The following SH3BP5 variants were observed in gnomAD, a reference collection of about 807,000 sequenced individuals.
SH3BP5 encodes SH3 domain binding protein 5.
SH3BP5 carries 22 observed loss-of-function variants against 43.3 expected under a neutral mutation model. The ratio of observed to expected loss-of-function variants is 0.51; its 90% confidence interval spans 0.36 to 0.73. The LOEUF (loss-of-function observed/expected upper bound fraction) is 0.73, where lower values mean the gene tolerates loss of function less well. Among genes scored for constraint, SH3BP5 ranks in the 30% least tolerant of loss-of-function variants. The probability of loss-of-function intolerance (pLI) is 0.00; values close to 1 mark genes in which losing one functional copy is unlikely to be tolerated. For missense variants in SH3BP5, 529 were observed against 586.9 expected (o/e 0.90, Z 1.02); for synonymous variants, 255 against 225.8 (o/e 1.13, Z -1.16).
At chr3:15,308,151 G>A (rs189820861) in intron 2 of SH3BP5, among the ~76,000 whole-genome samples, 3 of 152,262 alleles carry the variant, frequency 2.0e-5, no homozygotes, top group Admixed American at 2.0e-4. Context: ...CTGCCCAGCC[G>A]CTAAAGATAT....
At chr3:15,273,822 C>T (rs1414207316) in intron 3 of SH3BP5, among the ~76,000 whole-genome samples, 1 of 151,662 alleles carries the variant, frequency 6.6e-6, no homozygotes, top group Non-Finnish European at 1.5e-5. Flanking sequence ...TCCAGGAAGG[C>T]TCCTGTTATG....
chr3:15,261,671 A>T (rs1696443345), intron 5 of SH3BP5, among the ~76,000 whole-genome samples: 1 of 151,128 alleles, frequency 6.6e-6, no homozygotes, highest in Admixed American at 6.6e-5. Flanking sequence ...GTATAAAAAT[A>T]TACAGGGCTG....
At chr3:15,339,303 G>C (rs1182743696) in intron 1 of SH3BP5, among the ~76,000 whole-genome samples, 1 of 152,074 alleles carries the variant, frequency 6.6e-6, no homozygotes, top group African/African-American at 2.4e-5. Flanking sequence ...ATGAATTACA[G>C]GCCACAGCAC....
intron 2 of SH3BP5, among the ~76,000 whole-genome samples, chr3:15,327,292 C>T (rs989828453): frequency 2.6e-5 from 4 of 152,022 alleles, no homozygotes; most frequent in Non-Finnish European, 5.9e-5. Flanking sequence ...CCCAGCTACT[C>T]GGGAGGCTGA....
At chr3:15,316,368 G>C (rs2125127914) in intron 2 of SH3BP5, among the ~76,000 whole-genome samples, 1 of 152,082 alleles carries the variant, frequency 6.6e-6, no homozygotes, top group South Asian at 2.1e-4. Flanking sequence ...GGGATTACAG[G>C]TGCCCACGAC....
At chr3:15,269,563 A>G (rs1282641952) in intron 4 of SH3BP5, 150 bp downstream of exon 4, 3 of 782,564 alleles carry the variant, frequency 3.8e-6, no homozygotes, top group Non-Finnish European at 5.9e-6. Flanking sequence ...TACCAAGCGC[A>G]GCCAAGAGAT....
At chr3:15,292,617 G>C (rs755804862) in intron 3 of SH3BP5, among the ~76,000 whole-genome samples, 16 of 152,162 alleles carry the variant, frequency 1.1e-4, no homozygotes, top group Non-Finnish European at 2.1e-4. Context: ...GGGAGGCCAA[G>C]GTGGGTGGAT....
chr3:15,263,385 G>A (rs1696523476), intron 4 of SH3BP5, among the ~76,000 whole-genome samples: 1 of 152,194 alleles, frequency 6.6e-6, no homozygotes, highest in Non-Finnish European at 1.5e-5. Context: ...AGTCAAGCCA[G>A]CAAAGCAGCC....
chr3:15,259,087 C>G, intron 6 of SH3BP5, 37 bp from the exon 7 acceptor site: 1 of 1,505,624 alleles, frequency 6.6e-7, no homozygotes, highest in African/African-American at 1.4e-5. Context: ...GAAGACTACC[C>G]TGCTAGCCTT....
chr3:15,282,496 T>C (rs1243448223), intron 3 of SH3BP5, among the ~76,000 whole-genome samples: 1 of 152,124 alleles, frequency 6.6e-6, no homozygotes, highest in East Asian at 1.9e-4. Flanking sequence ...CACAGTTCTT[T>C]CTTTAAACTC....
intron 1 of SH3BP5, 98 bp from the exon 2 acceptor site, chr3:15,330,664 T>A: frequency 1.4e-6 from 2 of 1,391,722 alleles, no homozygotes; most frequent in Non-Finnish European, 1.9e-6. Context: ...CCAGCCCAAT[T>A]TGCAGGAAAA....
intron 2 of SH3BP5, among the ~76,000 whole-genome samples, chr3:15,323,610 T>C (rs1698390122): frequency 2.0e-5 from 3 of 152,166 alleles, no homozygotes; most frequent in Admixed American, 2.0e-4. Flanking sequence ...GAGGCTTCCA[T>C]GTGCCAAGTA....
At chr3:15,277,985 G>A (rs1697018459) in intron 3 of SH3BP5, among the ~76,000 whole-genome samples, 1 of 152,234 alleles carries the variant, frequency 6.6e-6, no homozygotes, top group South Asian at 2.1e-4. Context: ...TGACCCTGCA[G>A]GCACGGGGTG....
chr3:15,306,757 C>T (rs896966336), intron 2 of SH3BP5, among the ~76,000 whole-genome samples: 1 of 152,116 alleles, frequency 6.6e-6, no homozygotes, highest in African/African-American at 2.4e-5. Flanking sequence ...TAACCTCTGC[C>T]TCCCGGGTTC....
chr3:15,337,368 C>A (rs1575363277), upstream of SH3BP5, among the ~76,000 whole-genome samples: 1 of 152,044 alleles, frequency 6.6e-6, no homozygotes, highest in Non-Finnish European at 1.5e-5. Context: ...AGCCACCGTG[C>A]CCGGCCAAGA....
At chr3:15,334,653 T>TA (rs1698680261), upstream of SH3BP5, among the ~76,000 whole-genome samples, 1 of 152,160 alleles carries the variant, frequency 6.6e-6, no homozygotes, top group Non-Finnish European at 1.5e-5. Context: ...AGAGCTGACT[T>TA]AAAGTATACA....
At chr3:15,329,324 T>A (rs748246140) in intron 2 of SH3BP5, among the ~76,000 whole-genome samples, 1 of 152,142 alleles carries the variant, frequency 6.6e-6, no homozygotes, top group Admixed American at 6.5e-5. Context: ...GTTTAATGCA[T>A]TAGAAATCTG....
intron 1 of SH3BP5, 180 bp downstream of exon 1, chr3:15,332,091 G>A: frequency 9.9e-7 from 1 of 1,006,444 alleles, no homozygotes; most frequent in Non-Finnish European, 1.4e-6. Context: ...CGCGGGCACT[G>A]TAGCCTCCTC....
rs1433766557 is a variant in SH3BP5 at position 15,262,294 on chromosome 3, A to G, written c.496-5T>C. 1 of 1,614,094 alleles carries G rather than the reference A, an allele frequency of 6.2e-7. No homozygotes were observed. Among genetic ancestry groups the G allele is most frequent in the Non-Finnish European group, 8.5e-7 (1 of 1,179,978 alleles). ...GGTCTGCTCCGCCTCCATGACCTTAAAATGACAGCAGAGTTCAGCCCAGTC... is the reference window on the plus strand; with the variant it reads ...GGTCTGCTCCGCCTCCATGACCTTAGAATGACAGCAGAGTTCAGCCCAGTC... On this transcript the variant is annotated splice_region_variant and splice_polypyrimidine_tract_variant and intron_variant, in intron 4 of 8. Transcript: ENST00000383791.
Sources: gnomAD v4.1 joint callset for allele counts (sites outside exome capture counted in the v4.1 genomes callset) on GRCh38, gnomAD v4.1.1 for gene constraint, MANE v1.5 for transcripts, NCBI Gene and HGNC (gene_info 2026-07-23, HGNC 2026-07-21) for gene names.